Variants in ZDHHC2 observed in about 807,000 individuals in gnomAD.
ZDHHC2 encodes the protein zDHHC palmitoyltransferase 2.
ZDHHC2 carries 51 observed loss-of-function variants against 55.6 expected under a neutral mutation model. That is an observed-to-expected ratio of 0.92 (90% CI 0.73 to 1.16). The LOEUF (loss-of-function observed/expected upper bound fraction) is 1.16, where lower values mean the gene tolerates loss of function less well. Ranked by LOEUF, ZDHHC2 falls within the 50% of genes most tolerant of loss-of-function variation. The probability of loss-of-function intolerance (pLI) is 0.00; values close to 1 mark genes in which losing one functional copy is unlikely to be tolerated. For missense variants in ZDHHC2, 491 were observed against 442.4 expected, an observed-to-expected ratio of 1.11 and a Z score of -0.99; for synonymous variants, 199 against 152.9, an observed-to-expected ratio of 1.30 and a Z score of -2.22.
intron 1 of ZDHHC2, among the ~76,000 whole-genome samples, chr8:17,166,941 T>G (rs1177865773): frequency 1.3e-5 from 2 of 152,170 alleles, no homozygotes; most frequent in Non-Finnish European, 2.9e-5. Flanking sequence ...TGCTGGGATA[T>G]CTGAATTAAT....
chr8:17,189,405 C>T (rs1374441903), intron 3 of ZDHHC2, among the ~76,000 whole-genome samples: 2 of 152,106 alleles, frequency 1.3e-5, no homozygotes, highest in Admixed American at 6.6e-5. Flanking sequence ...AATACACCAT[C>T]GTTAGAATGT....
intron 9 of ZDHHC2, 112 bp from the exon 10 acceptor site, chr8:17,210,276 T>A: frequency 1.8e-6 from 2 of 1,098,398 alleles, no homozygotes; most frequent in Non-Finnish European, 2.6e-6. Context: ...CTAATACACA[T>A]TTTTTTTGCC....
chr8:17,182,440 A>G (rs1468933836), intron 1 of ZDHHC2, among the ~76,000 whole-genome samples: 2 of 152,232 alleles, frequency 1.3e-5, no homozygotes, highest in Non-Finnish European at 2.9e-5. Context: ...AAAATTAAAC[A>G]GAGTTACGTT....
rs968684854 is a variant in ZDHHC2, at chr8:17,215,233, T to G, written c.951-4T>G. The stretch of plus-strand genomic sequence containing the variant: ...ATTTTGATGATTATTCAATTATTAT[T>G]CAGTCTCGAAAACCATCAGTTTCCT... On this transcript the variant is annotated splice_region_variant and splice_polypyrimidine_tract_variant and intron_variant, in intron 10 of 12. Coordinates refer to ENST00000262096, the MANE Select transcript of ZDHHC2 (RefSeq NM_016353.5). The G allele has an allele frequency of 5.7e-6, 9 of 1,570,788 alleles. No homozygotes were observed. In the South Asian group the frequency reaches 1.1e-4, roughly 19 times the overall value.
At chr8:17,186,173 C>T (rs187935784) in intron 2 of ZDHHC2, among the ~76,000 whole-genome samples, 158 bp from the exon 3 acceptor site, 8 of 152,222 alleles carry the variant, frequency 5.3e-5, no homozygotes, top group Non-Finnish European at 8.8e-5. Context: ...GAAATAAATT[C>T]GTTGAGTTGT....
At chr8:17,181,192 C>T (rs1424600711) in intron 1 of ZDHHC2, among the ~76,000 whole-genome samples, 1 of 152,060 alleles carries the variant, frequency 6.6e-6, no homozygotes, top group Non-Finnish European at 1.5e-5. Context: ...CTTTGATATA[C>T]CAGTTTTATG....
At chr8:17,203,622 T>C (rs899963325) in intron 6 of ZDHHC2, among the ~76,000 whole-genome samples, 1 of 152,166 alleles carries the variant, frequency 6.6e-6, no homozygotes, top group Non-Finnish European at 1.5e-5. Flanking sequence ...GAATACCCTG[T>C]ATCCTTTTGA....
chr8:17,168,720 GC>G (rs1563141003), intron 1 of ZDHHC2, among the ~76,000 whole-genome samples: 1 of 151,936 alleles, frequency 6.6e-6, no homozygotes, highest in African/African-American at 2.4e-5. Context: ...TGTCCAGGTA[GC>G]TCCTATGAGT....
At chr8:17,173,501 T>C (rs920680879) in intron 1 of ZDHHC2, among the ~76,000 whole-genome samples, 27 of 151,518 alleles carry the variant, frequency 1.8e-4, no homozygotes, top group Admixed American at 2.0e-4. Context: ...CAAAGGGAGA[T>C]GCTATCGCTA....
rs773705490 is a variant in ZDHHC2 at position 17,205,913 on chromosome 8, T to C, written c.597+138T>C. ...GCAGTCAGTCCTCATTATTCGCAGA[T>C]TCTTTATTTGTTAATTCAGTAAGAT... On this transcript the variant is annotated intron_variant, in intron 7 of 12. Transcript: ENST00000262096. 7.7e-4 allele frequency: 635 copies of C among 828,548 alleles called. 1 individual carries two copies. Among genetic ancestry groups the C allele is most frequent in the Non-Finnish European group, 8.7e-4 (492 of 564,324 alleles). The allele number at this position is 828,548 out of a possible 1,614,324, so 51.3% of individuals were successfully genotyped here.
At chr8:17,167,128 G>A (rs1804641186) in intron 1 of ZDHHC2, among the ~76,000 whole-genome samples, 1 of 152,016 alleles carries the variant, frequency 6.6e-6, no homozygotes, top group South Asian at 2.1e-4. Flanking sequence ...ATGTTTCTTG[G>A]ATGAATCAAA....
At chr8:17,179,177 C>A (rs1371214090) in intron 1 of ZDHHC2, among the ~76,000 whole-genome samples, 1 of 152,116 alleles carries the variant, frequency 6.6e-6, no homozygotes, top group Non-Finnish European at 1.5e-5. Context: ...ATCTCAAACT[C>A]CTGGCCTCAA....
chr8:17,207,832 C>A, intron 7 of ZDHHC2, 128 bp from the exon 8 acceptor site: 1 of 721,158 alleles, frequency 1.4e-6, no homozygotes, highest in Non-Finnish European at 1.9e-6. Flanking sequence ...TAACATAAAG[C>A]CACATTTTTT....
chr8:17,171,799 G>A (rs1216476171), intron 1 of ZDHHC2, among the ~76,000 whole-genome samples: 1 of 151,050 alleles, frequency 6.6e-6, no homozygotes, highest in Non-Finnish European at 1.5e-5. Context: ...TCTTCTGCTT[G>A]TATGAGGTGT....
In ZDHHC2 at chr8:17,156,831, C is replaced by T. The variant is rs1228579440; in HGVS notation, c.108C>T (p.Ala36=). Residue 36 remains alanine, a synonymous_variant, in exon 1 of 13, where the codon GCC becomes GCT. Transcript: ENST00000262096. ...TCCTGCTCGGCTGGTCCTACTACGC[C>T]TACGCCATCCAGCTGTGCATAGGTG... ...ITLLLGWSYY[A]YAIQLCIVSM... The T allele has an allele frequency of 2.6e-5, 40 of 1,520,094 alleles. No homozygotes were observed. Among genetic ancestry groups the T allele is most frequent in the Middle Eastern group, 3.4e-4 (2 of 5,906 alleles). The allele number at this position is 1,520,094 out of a possible 1,614,324, so 94.2% of individuals were successfully genotyped here. A position where few individuals can be genotyped will look rare whatever the true frequency, so the allele number is the denominator to read the frequency against.
At chr8:17,208,906 G>A (rs1174293874) in intron 8 of ZDHHC2, among the ~76,000 whole-genome samples, 1 of 152,108 alleles carries the variant, frequency 6.6e-6, no homozygotes, top group Non-Finnish European at 1.5e-5. Context: ...CCTTTGAAAT[G>A]TTTTAGAAAA....
intron 1 of ZDHHC2, among the ~76,000 whole-genome samples, chr8:17,182,265 T>C (rs1200108867): frequency 6.6e-6 from 1 of 152,156 alleles, no homozygotes; most frequent in East Asian, 1.9e-4. Flanking sequence ...CCAGAATATA[T>C]AAAAGGCTCT....
chr8:17,198,222 T>C (rs1206578572), intron 5 of ZDHHC2, among the ~76,000 whole-genome samples, 159 bp from the exon 6 acceptor site: 1 of 152,220 alleles, frequency 6.6e-6, no homozygotes, highest in East Asian at 1.9e-4. Context: ...TTATTTTAGA[T>C]GAGAACTTCT....
At chr8:17,179,439 C>A (rs2959630) in intron 1 of ZDHHC2, among the ~76,000 whole-genome samples, 74,706 of 151,962 alleles carry the variant, frequency 0.49, 21,463 homozygotes, top group East Asian at 0.83. Context: ...AACAGGGTCT[C>A]ACTCTATCGC....
Sources: allele counts gnomAD v4.1 joint callset (sites outside exome capture counted in the v4.1 genomes callset), GRCh38; gene constraint gnomAD v4.1.1; transcripts MANE v1.5; gene names NCBI Gene and HGNC (gene_info 2026-07-23, HGNC 2026-07-21).